Variants in ZSWIM5 observed in about 807,000 individuals in gnomAD.
The protein encoded by ZSWIM5 is zinc finger SWIM-type containing 5.
In ZSWIM5, 55 loss-of-function variants were observed where a neutral mutation model predicts 119.6. The observed-to-expected ratio is 0.46, with a 90% CI of 0.37 to 0.58. The LOEUF (loss-of-function observed/expected upper bound fraction) is 0.58, where lower values mean the gene tolerates loss of function less well. Ranked by LOEUF, ZSWIM5 falls within the 20% of genes least tolerant of loss-of-function variation. The probability of loss-of-function intolerance (pLI) is 0.00; values close to 1 mark genes in which losing one functional copy is unlikely to be tolerated. For synonymous variants in ZSWIM5, 537 were observed against 606.9 expected (o/e 0.88, Z 1.69); for missense variants, 1,193 against 1,512.8 (o/e 0.79, Z 3.51).
rs1036350249 is a variant in ZSWIM5 at position 45,157,024 on chromosome 1, A to G, written c.595+48732T>C. Among the ~76,000 whole-genome samples the G allele has an allele frequency of 3.9e-5, 6 of 152,158 alleles. 1 individual carries two copies. The highest frequency in any genetic ancestry group is 9.7e-5 in the African/African-American group (4 of 41,446). ...AAATAGAACCTTACCATTATCCCAG[A>G]AAGTTCCCTCATGCCCTTGTCAATC... On this transcript the variant is annotated intron_variant, in intron 1 of 13. Coordinates refer to ENST00000359600, the MANE Select transcript of ZSWIM5 (RefSeq NM_020883.2).
At chr1:45,191,320 T>A (rs1646091945) in intron 1 of ZSWIM5, among the ~76,000 whole-genome samples, 2 of 152,314 alleles carry the variant, frequency 1.3e-5, no homozygotes, top group South Asian at 4.1e-4. Context: ...AGCAGATCTC[T>A]GCTGCTGAGA....
At chr1:45,160,299 T>A (rs1360465876) in intron 1 of ZSWIM5, among the ~76,000 whole-genome samples, 3 of 152,214 alleles carry the variant, frequency 2.0e-5, no homozygotes, top group African/African-American at 7.2e-5. Flanking sequence ...TATGTGTTGG[T>A]AACATTTCAA....
At chr1:45,199,414 T>C (rs1235373243) in intron 1 of ZSWIM5, among the ~76,000 whole-genome samples, 3 of 151,736 alleles carry the variant, frequency 2.0e-5, no homozygotes, top group Admixed American at 2.0e-4. Flanking sequence ...TTCTCCTGCC[T>C]CAACCTCCTG....
rs954618302 is a variant in ZSWIM5 at position 45,198,680 on chromosome 1, C to G, written c.595+7076G>C. ...CCTAACAGTCCTGATTTGGCTCCTTCTGACTTCTTTTTGTTCCCTAATCTT... is the reference window on the plus strand; with the variant it reads ...CCTAACAGTCCTGATTTGGCTCCTTGTGACTTCTTTTTGTTCCCTAATCTT... On this transcript the variant is annotated intron_variant, in intron 1 of 13. Coordinates refer to ENST00000359600, the MANE Select transcript of ZSWIM5 (RefSeq NM_020883.2). 4.6e-5 allele frequency among the ~76,000 whole-genome samples: 7 copies of G among 152,276 alleles called. No individual in the cohort carries two copies. The South Asian group carries it at 1.4e-3, about 32-fold the overall frequency.
intron 4 of ZSWIM5, among the ~76,000 whole-genome samples, chr1:45,058,304 A>G (rs565325797): frequency 1.3e-5 from 2 of 152,340 alleles, no homozygotes; most frequent in African/African-American, 4.8e-5. Context: ...AGTGAGGCTG[A>G]TAAGTATTTG....
chr1:45,094,549 C>A (rs768749842), intron 1 of ZSWIM5, among the ~76,000 whole-genome samples: 5 of 151,954 alleles, frequency 3.3e-5, no homozygotes, highest in Non-Finnish European at 7.4e-5. Flanking sequence ...TCAAGGCCAG[C>A]CTGGCTATCA....
At position 45,206,565 on chromosome 1, in the gene ZSWIM5, G is replaced by C. The variant is rs1239349349; in HGVS notation, c.-215C>G. On this transcript the variant is annotated 5_prime_UTR_variant, in exon 1 of 14. Coordinates refer to ENST00000359600, the MANE Select transcript of ZSWIM5 (RefSeq NM_020883.2). ...ACGCGGGCGGCCTGCAGGGTAGCGT[G>C]AGGCGGCGCGCGGTGTCCTGGCCGC... is the stretch of plus-strand genomic sequence containing the variant. 2.0e-6 allele frequency: 2 copies of C among 995,474 alleles called. No individual in the cohort carries two copies. Among genetic ancestry groups the C allele is most frequent in the Non-Finnish European group, 1.2e-6 (1 of 837,148 alleles). 61.7% of individuals were successfully genotyped at this position (995,474 alleles called of 1,614,324 possible).
chr1:45,018,777 G>GT lies in ZSWIM5; in HGVS notation c.3234dup (p.Arg1079ThrfsTer26). 2 of 1,614,238 alleles carry GT rather than the reference G, an allele frequency of 1.2e-6. No individual in the cohort carries two copies. The highest frequency in any genetic ancestry group is 1.7e-6 in the Non-Finnish European group (2 of 1,180,042). ...CCAGGTGCAGTCACTGTGCAGCGTCGTAAGATGTCTGAAAGCACTGTGGCA... is the reference window on the plus strand; with the variant it reads ...CCAGGTGCAGTCACTGTGCAGCGTCGTTAAGATGTCTGAAAGCACTGTGGCA... On this transcript the variant is annotated frameshift_variant, in exon 14 of 14. Transcript: ENST00000359600. LOFTEE classifies it high-confidence loss of function. The surrounding 1 kb of genome is among the most constrained non-coding windows in gnomAD (Gnocchi z 6.7).
chr1:45,160,966 C>T (rs977557087), intron 1 of ZSWIM5, among the ~76,000 whole-genome samples: 7 of 143,952 alleles, frequency 4.9e-5, no homozygotes, highest in Admixed American at 1.4e-4. Flanking sequence ...GGACTACAAG[C>T]GCCTGCCACC....
At chr1:45,149,443 T>A (rs1162879419) in intron 1 of ZSWIM5, among the ~76,000 whole-genome samples, 1 of 152,220 alleles carries the variant, frequency 6.6e-6, no homozygotes, top group Non-Finnish European at 1.5e-5. Flanking sequence ...ATATAAGGCA[T>A]ACATAAACAC....
intron 1 of ZSWIM5, among the ~76,000 whole-genome samples, chr1:45,203,068 T>C (rs886782810): frequency 1.3e-5 from 2 of 152,016 alleles, no homozygotes; most frequent in Non-Finnish European, 2.9e-5. Context: ...GCTTTAAACT[T>C]ACAGACATCC....
At chr1:45,205,557 G>A (rs1646182650) in intron 1 of ZSWIM5, among the ~76,000 whole-genome samples, 199 bp downstream of exon 1, 1 of 152,208 alleles carries the variant, frequency 6.6e-6, no homozygotes, top group South Asian at 2.1e-4. Flanking sequence ...AAAGAAATTG[G>A]GGTAGAGGGT....
intron 1 of ZSWIM5, among the ~76,000 whole-genome samples, chr1:45,194,681 T>C (rs1026652558): frequency 1.3e-5 from 2 of 152,062 alleles, no homozygotes; most frequent in African/African-American, 2.4e-5. Flanking sequence ...ATCGAGACCA[T>C]CCTGGCTAAC....
intron 11 of ZSWIM5, among the ~76,000 whole-genome samples, chr1:45,025,016 AT>A (rs1644912047): frequency 6.6e-6 from 1 of 152,094 alleles, no homozygotes; most frequent in African/African-American, 2.4e-5. Context: ...TTTTGAGTTA[AT>A]TTTTGTGAAA....
At chr1:45,186,898 A>C (rs1646062359) in intron 1 of ZSWIM5, among the ~76,000 whole-genome samples, 1 of 152,028 alleles carries the variant, frequency 6.6e-6, no homozygotes, top group South Asian at 2.1e-4. Context: ...GCCCTCAATA[A>C]CTTGATTTTA....
intron 13 of ZSWIM5, 44 bp downstream of exon 13, chr1:45,020,022 A>G: frequency 6.4e-7 from 1 of 1,555,214 alleles, no homozygotes; most frequent in Non-Finnish European, 8.9e-7. Flanking sequence ...AGTAGGGCCT[A>G]GAAACTCCTT....
chr1:45,106,743 T>A (rs536870350), intron 1 of ZSWIM5, among the ~76,000 whole-genome samples: 2 of 151,816 alleles, frequency 1.3e-5, no homozygotes, highest in Non-Finnish European at 2.9e-5. Context: ...GAATGGGCCA[T>A]GATGACTATG....
intron 1 of ZSWIM5, among the ~76,000 whole-genome samples, chr1:45,127,228 C>A (rs1000440906): frequency 7.9e-5 from 12 of 151,996 alleles, no homozygotes; most frequent in Admixed American, 4.6e-4. Context: ...TCAACTAATG[C>A]GCTCCATCAT....
intron 1 of ZSWIM5, among the ~76,000 whole-genome samples, chr1:45,166,420 G>A (rs1373722778): frequency 1.3e-5 from 2 of 152,054 alleles, no homozygotes; most frequent in African/African-American, 4.8e-5. Context: ...AGACAGGGAT[G>A]CCCTCTCTCA....
Sources: gnomAD v4.1 joint callset for allele counts (sites outside exome capture counted in the v4.1 genomes callset) on GRCh38, gnomAD v4.1.1 for gene constraint, Gnocchi (gnomAD v3.1) non-coding constraint, MANE v1.5 for transcripts, NCBI Gene and HGNC (gene_info 2026-07-23, HGNC 2026-07-21) for gene names.